The following FAM185A variants were observed in gnomAD, a reference collection of about 807,000 sequenced individuals.
The protein encoded by FAM185A is family with sequence similarity 185 member A, also known as protein FAM185A.
Under a neutral mutation model 45.7 loss-of-function variants are expected in FAM185A, and 21 were observed. That is an observed-to-expected ratio of 0.46 (90% CI 0.33 to 0.66). The LOEUF is 0.66. Among genes scored for constraint, FAM185A ranks in the 30% least tolerant of loss-of-function variants. The pLI is 0.03. For missense variants in FAM185A, 305 were observed against 485.4 expected, an observed-to-expected ratio of 0.63 and a Z score of 3.49; for synonymous variants, 117 against 194.0, an observed-to-expected ratio of 0.60 and a Z score of 3.30.
chr7:102,786,638 T>G (rs1022385784), intron 6 of FAM185A, among the ~76,000 whole-genome samples: 1 of 151,960 alleles, frequency 6.6e-6, no homozygotes, highest in Non-Finnish European at 1.5e-5. Context: ...TGAGAACACA[T>G]GGACACAGGA....
At position 102,749,501 on chromosome 7, in the gene FAM185A, C is replaced by A. The variant is rs1371694618; in HGVS notation, c.294C>A (p.Gly98=). The change falls in exon 1 of 8, where the codon GGC becomes GGA. Residue 98 remains glycine (G), a synonymous_variant. Transcript: ENST00000413034. ...RPLDPLTYPD[G]DRVLVAVCGV... is the part of the protein sequence containing the mutation. ...TGGACCCCCTCACCTACCCGGATGGCGACCGCGTGCTGGTCGCGGTGTGCG... is the reference window on the plus strand; with the variant it reads ...TGGACCCCCTCACCTACCCGGATGGAGACCGCGTGCTGGTCGCGGTGTGCG... 1.3e-6 allele frequency: 2 copies of A among 1,527,546 alleles called. No individual in the cohort carries two copies. 94.6% of individuals were successfully genotyped at this position (1,527,546 alleles called of 1,614,324 possible).
Position 102,808,379 on chromosome 7 carries a change from C to T in FAM185A, c.1156C>T (p.Gln386Ter). 6.5e-7 allele frequency: 1 copy of T among 1,550,060 alleles called. No individual in the cohort carries two copies. The highest frequency in any genetic ancestry group is 8.7e-7 in the Non-Finnish European group (1 of 1,145,500). ...AAGTTTTAGAAGGCAAAGTTGGTTT[C>T]AGTCCCTGAAACTGCAGGACTAAAA... ...TVSFRRQSWF[Q>*]SLKLQD The change falls in exon 8 of 8, where the codon CAG becomes TAG. Residue 386 changes from glutamine (Q) to a stop codon, truncating the protein, a stop_gained. Transcript: ENST00000413034. LOFTEE classifies it high-confidence loss of function.
the FAM185A span, among the ~76,000 whole-genome samples, chr7:102,825,045 A>G: frequency 1.3e-5 from 2 of 152,182 alleles, no homozygotes; most frequent in Non-Finnish European, 2.9e-5. Flanking sequence ...TATCATTTAC[A>G]TATTTCTGGT....
chr7:102,831,006 T>C, the FAM185A span, among the ~76,000 whole-genome samples: 1 of 152,252 alleles, frequency 6.6e-6, no homozygotes, highest in Middle Eastern at 3.4e-3. Flanking sequence ...CGCATCTCTA[T>C]TGTAAGCTTC....
intron 4 of FAM185A, among the ~76,000 whole-genome samples, chr7:102,769,908 G>A (rs1794649153): frequency 6.6e-6 from 1 of 151,796 alleles, no homozygotes; most frequent in African/African-American, 2.4e-5. Context: ...TCATGAATGG[G>A]TTAATCCATT....
intron 7 of FAM185A, among the ~76,000 whole-genome samples, chr7:102,799,901 A>G (rs1796676466): frequency 6.6e-6 from 1 of 152,132 alleles, no homozygotes; most frequent in Admixed American, 6.5e-5. Flanking sequence ...AGCAGCGTGT[A>G]GAGGCTCGCG....
intron 7 of FAM185A, 30 bp from the exon 8 acceptor site, chr7:102,808,260 G>T: frequency 7.2e-7 from 1 of 1,393,924 alleles, no homozygotes; most frequent in South Asian, 1.2e-5. Flanking sequence ...TAATGCTCTT[G>T]ATATAATTTT....
chr7:102,773,822 G>A (rs1217633983), intron 5 of FAM185A, among the ~76,000 whole-genome samples: 1 of 152,020 alleles, frequency 6.6e-6, no homozygotes, highest in African/African-American at 2.4e-5. Flanking sequence ...CACTATATAA[G>A]TGTGGCTCAA....
chr7:102,834,089 A>AGGAAGGAAG, the FAM185A span, among the ~76,000 whole-genome samples: 40 of 68,452 alleles, frequency 5.8e-4, no homozygotes, highest in South Asian at 3.5e-3. Context: ...AGGAAAGAAA[A>AGGAAGGAAG]GAAAGAAAGA....
At chr7:102,785,319 G>GA (rs1562866725) in intron 6 of FAM185A, among the ~76,000 whole-genome samples, 1 of 150,180 alleles carries the variant, frequency 6.7e-6, no homozygotes, top group Admixed American at 6.6e-5. Flanking sequence ...CACAGAATTG[G>GA]AAAAAACTAC....
At chr7:102,776,702 TAA>T (rs72022042) in intron 5 of FAM185A, among the ~76,000 whole-genome samples, 42 of 97,028 alleles carry the variant, frequency 4.3e-4, no homozygotes, top group East Asian at 5.8e-4. Flanking sequence ...ACCCTGTCTC[TAA>T]AAAAAAAAAA....
At position 102,779,206 on chromosome 7, in the gene FAM185A, T is replaced by C. The variant is rs533788988; in HGVS notation, c.931+1858T>C. Among the ~76,000 whole-genome samples, 21 of 152,288 alleles carry C rather than the reference T, an allele frequency of 1.4e-4. No individual in the cohort carries two copies. The East Asian group carries it at 3.9e-3, about 28-fold the overall frequency. The stretch of plus-strand genomic sequence containing the variant: ...ATGTCAACCATGAAGAAGTTTATGA[T>C]GTGAAAAGAGGTTAAAGAACACAAC... On this transcript the variant is annotated intron_variant, in intron 6 of 7. Transcript: ENST00000413034.
the FAM185A span, among the ~76,000 whole-genome samples, chr7:102,835,902 C>T: frequency 1.3e-5 from 2 of 152,186 alleles, no homozygotes; most frequent in African/African-American, 4.8e-5. Flanking sequence ...AGCCACCGCG[C>T]CCGGCCCCGA....
At chr7:102,820,001 C>T in the FAM185A span, among the ~76,000 whole-genome samples, 1 of 152,166 alleles carries the variant, frequency 6.6e-6, no homozygotes, top group Non-Finnish European at 1.5e-5. Context: ...TCAGGAGCCC[C>T]CTAACTGACA....
At chr7:102,834,702 G>A in the FAM185A span, 1 of 151,938 alleles carries the variant, frequency 6.6e-6, no homozygotes, top group Non-Finnish European at 1.5e-5. Flanking sequence ...ACATTCAATT[G>A]TTTTTTCAGT....
chr7:102,842,003 A>G, the FAM185A span, among the ~76,000 whole-genome samples: 1 of 152,178 alleles, frequency 6.6e-6, no homozygotes, highest in Non-Finnish European at 1.5e-5. Context: ...ACCCTGTAAA[A>G]CACTTCTAAA....
chr7:102,767,261 T>C (rs935872407), intron 4 of FAM185A, among the ~76,000 whole-genome samples: 8 of 150,406 alleles, frequency 5.3e-5, no homozygotes, highest in African/African-American at 2.0e-4. Context: ...GAGACTTGGC[T>C]TCCTCAGTTT....
At chr7:102,811,207 T>C (rs186206414), downstream of FAM185A, among the ~76,000 whole-genome samples, 650 of 151,974 alleles carry the variant, frequency 4.3e-3, 6 homozygotes, top group African/African-American at 0.015. Flanking sequence ...ATAACAGCAG[T>C]CAACTATATT....
intron 7 of FAM185A, among the ~76,000 whole-genome samples, chr7:102,794,972 A>G (rs997924863): frequency 6.6e-6 from 1 of 152,270 alleles, no homozygotes; most frequent in African/African-American, 2.4e-5. Flanking sequence ...TGTAGAGAAT[A>G]GACAAGTGGT....
Sources: allele counts gnomAD v4.1 joint callset (sites outside exome capture counted in the v4.1 genomes callset), GRCh38; gene constraint gnomAD v4.1.1; transcripts MANE v1.5; gene names NCBI Gene and HGNC (gene_info 2026-07-23, HGNC 2026-07-21).